CSTPP1: variants seen among roughly 807,000 people sequenced by gnomAD.
CSTPP1 encodes the protein UPF0705 protein C11orf49.
the CSTPP1 span, among the ~76,000 whole-genome samples, chr11:46,966,197 C>T: frequency 6.6e-6 from 1 of 152,150 alleles, no homozygotes; most frequent in Non-Finnish European, 1.5e-5. Context: ...CGTGCGCCAC[C>T]ATGCCCAGCT....
At chr11:46,948,278 A>G in the CSTPP1 span, 1 of 395,506 alleles carries the variant, frequency 2.5e-6, no homozygotes, top group South Asian at 1.8e-5. Context: ...CTTCTGTCCC[A>G]TCTTAGTTTT....
the CSTPP1 span, among the ~76,000 whole-genome samples, chr11:47,101,636 T>C: frequency 6.6e-6 from 1 of 152,110 alleles, no homozygotes; most frequent in African/African-American, 2.4e-5. Flanking sequence ...CTATACAGCA[T>C]TCTTTGCTGC....
the CSTPP1 span, among the ~76,000 whole-genome samples, chr11:47,013,754 G>T: frequency 6.6e-6 from 1 of 152,132 alleles, no homozygotes; most frequent in African/African-American, 2.4e-5. Context: ...GTGTATACCC[G>T]GTAATGGGAT....
chr11:47,137,741 G>A, the CSTPP1 span: 39 of 1,613,278 alleles, frequency 2.4e-5, no homozygotes, highest in South Asian at 4.0e-4. Flanking sequence ...TACGTCTCCT[G>A]GACTCTTGAA....
At chr11:47,133,349 C>CTTATTA in the CSTPP1 span, among the ~76,000 whole-genome samples, 3 of 152,194 alleles carry the variant, frequency 2.0e-5, no homozygotes, top group South Asian at 6.2e-4. Context: ...ACACCAAAGC[C>CTTATTA]TTATTATGTC....
chr11:47,161,960 C>A, the CSTPP1 span: 1 of 1,073,610 alleles, frequency 9.3e-7, no homozygotes, highest in Non-Finnish European at 1.1e-6. Context: ...TCTGAGCCAG[C>A]CTCTGCGGGT....
the CSTPP1 span, among the ~76,000 whole-genome samples, chr11:47,071,101 G>T: frequency 6.6e-6 from 1 of 152,042 alleles, no homozygotes; most frequent in Admixed American, 6.6e-5. Context: ...CCATTCAAAA[G>T]CGACCTCTTA....
the CSTPP1 span, among the ~76,000 whole-genome samples, chr11:47,030,490 G>T: frequency 3.5e-4 from 54 of 152,298 alleles, no homozygotes; most frequent in African/African-American, 1.2e-3. Flanking sequence ...TATAGATCCA[G>T]TATGGTTACA....
the CSTPP1 span, among the ~76,000 whole-genome samples, chr11:47,039,077 C>T: frequency 1.6e-5 from 2 of 125,272 alleles, no homozygotes; most frequent in Admixed American, 1.7e-4. Flanking sequence ...CAGGCAGAGA[C>T]GCTCCTCACT....
the CSTPP1 span, chr11:47,161,169 T>G: frequency 6.2e-7 from 1 of 1,614,126 alleles, no homozygotes. Flanking sequence ...GACCCAGCAA[T>G]GGATGAAGAG....
the CSTPP1 span, among the ~76,000 whole-genome samples, chr11:47,139,671 CAA>C: frequency 0.016 from 1,945 of 118,886 alleles, 102 homozygotes; most frequent in Admixed American, 0.12. Context: ...GACTGAACGT[CAA>C]AAAAAAAAAA....
the CSTPP1 span, among the ~76,000 whole-genome samples, chr11:47,076,975 A>G: frequency 7.1e-4 from 108 of 152,070 alleles, 1 homozygote; most frequent in Admixed American, 6.9e-3. Flanking sequence ...AAAAAAAAAA[A>G]AAAGAAAACT....
the CSTPP1 span, among the ~76,000 whole-genome samples, chr11:47,014,015 G>A: frequency 1.3e-5 from 2 of 152,042 alleles, no homozygotes; most frequent in African/African-American, 4.8e-5. Context: ...AGACCAGCCT[G>A]GGCAACATGA....
At chr11:46,993,363 C>CTT in the CSTPP1 span, among the ~76,000 whole-genome samples, 5 of 140,712 alleles carry the variant, frequency 3.6e-5, no homozygotes, top group South Asian at 2.3e-4. Flanking sequence ...CTTTTCTTTT[C>CTT]TTTTTTTTTT....
the CSTPP1 span, among the ~76,000 whole-genome samples, chr11:47,028,532 AC>A: frequency 6.6e-6 from 1 of 152,232 alleles, no homozygotes; most frequent in East Asian, 1.9e-4. Flanking sequence ...TCTTAGAAAT[AC>A]TGCATTCAAC....
At chr11:46,983,011 G>T in the CSTPP1 span, among the ~76,000 whole-genome samples, 3 of 152,118 alleles carry the variant, frequency 2.0e-5, no homozygotes, top group African/African-American at 4.8e-5. Flanking sequence ...TCATATCCAG[G>T]TTCAGTTGGC....
the CSTPP1 span, among the ~76,000 whole-genome samples, chr11:46,947,308 C>G: frequency 6.6e-6 from 1 of 152,162 alleles, no homozygotes; most frequent in African/African-American, 2.4e-5. Flanking sequence ...TGGGATCACC[C>G]TTACACTACT....
chr11:47,164,065 T>A, the CSTPP1 span: 48 of 1,587,366 alleles, frequency 3.0e-5, no homozygotes, highest in Admixed American at 3.6e-5. Context: ...GGCCAACTAA[T>A]GCCAGCTCTT....
chr11:47,095,233 C>T, the CSTPP1 span, among the ~76,000 whole-genome samples: 2 of 152,110 alleles, frequency 1.3e-5, no homozygotes, highest in African/African-American at 2.4e-5. Context: ...TGAGCTGGGC[C>T]AGTTTTCAAA....
Sources: gnomAD v4.1 joint callset for allele counts (sites outside exome capture counted in the v4.1 genomes callset) on GRCh38, gnomAD v4.1.1 for gene constraint, MANE v1.5 for transcripts, NCBI Gene and HGNC (gene_info 2026-07-23, HGNC 2026-07-21) for gene names.